Variants in ADD2 observed in about 807,000 individuals in gnomAD.
The protein encoded by ADD2 is beta-adducin.
In ADD2, 23 loss-of-function variants were observed where a neutral mutation model predicts 83.0. The observed-to-expected ratio is 0.28, with a 90% CI of 0.20 to 0.39. ADD2 has a LOEUF of 0.39. Among genes scored for constraint, ADD2 ranks in the 10% least tolerant of loss-of-function variants. ADD2 has a pLI of 1.00. For synonymous variants in ADD2, 375 were observed against 375.4 expected (o/e 1.00, Z 0.01); for missense variants, 758 against 944.9 (o/e 0.80, Z 2.59).
chr2:70,706,389 G>T lies in ADD2; in HGVS notation c.20C>A (p.Pro7His). The T allele has an allele frequency of 6.2e-7, 1 of 1,609,136 alleles. No individual in the cohort carries two copies. Among genetic ancestry groups the T allele is most frequent in the Non-Finnish European group, 8.5e-7 (1 of 1,177,860 alleles). ...CGGGGGCGGCGGCGAGGCAGCCTCGGGGACCGTCTCTTCGCTCATTTTCCC... is the reference window on the plus strand; with the variant it reads ...CGGGGGCGGCGGCGAGGCAGCCTCGTGGACCGTCTCTTCGCTCATTTTCCC... MSEETV[P>H]EAASPPPPQG... Residue 7 changes from proline (P) to histidine (H), a missense_variant, in exon 3 of 16, where the codon CCC becomes CAC. Physicochemically the swap from Pro to His is moderately conservative, Grantham distance 77. Around this residue, in one of 5 missense-constraint regions of ADD2, gnomAD observed 175 missense variants for 192.1 expected, o/e 0.91. Transcript: ENST00000264436. This position sits in a 1 kb window ranked among gnomAD's most constrained non-coding sequence, Gnocchi z 5.0.
chr2:70,724,039 G>T (rs1672860672), intron 1 of ADD2, among the ~76,000 whole-genome samples: 1 of 152,240 alleles, frequency 6.6e-6, no homozygotes, highest in Admixed American at 6.5e-5. Context: ...AGTGCCCAGT[G>T]ATGAGGCCAC....
At chr2:70,712,396 A>G (rs186668295) in intron 2 of ADD2, among the ~76,000 whole-genome samples, 158 of 151,188 alleles carry the variant, frequency 1.0e-3, no homozygotes, top group African/African-American at 3.7e-3. Context: ...GTGAGCTGAG[A>G]TCACACCACT....
In ADD2 at chr2:70,662,571, T is replaced by C. The variant is rs1282473571; in HGVS notation, c.*854A>G. On this transcript the variant is annotated 3_prime_UTR_variant, in exon 16 of 16. Coordinates refer to ENST00000264436, the MANE Select transcript of ADD2 (RefSeq NM_001617.4). ...TTTCCTCTGTTGTTTTGATCCTCCT[T>C]ATACAACCCAAAGCCAACAGAGGAT... 3 of 152,270 alleles carry C rather than the reference T, an allele frequency of 2.0e-5. No individual in the cohort carries two copies. The highest frequency in any genetic ancestry group is 4.4e-5 in the Non-Finnish European group (3 of 68,060). The allele number at this position is 152,270 out of a possible 1,614,324, so 9.4% of individuals were successfully genotyped here.
intron 9 of ADD2, 36 bp from the exon 10 acceptor site, chr2:70,683,803 C>T: frequency 6.3e-7 from 1 of 1,589,042 alleles, no homozygotes. Flanking sequence ...AGCCCATGTG[C>T]ACATGGGTAC....
chr2:70,708,264 C>T (rs190199763), intron 2 of ADD2, among the ~76,000 whole-genome samples: 18 of 152,278 alleles, frequency 1.2e-4, no homozygotes, highest in South Asian at 2.1e-4. Context: ...CAAGGGAAGG[C>T]GCATGGACAG....
intron 1 of ADD2, among the ~76,000 whole-genome samples, chr2:70,764,999 C>T (rs1332798397): frequency 6.6e-6 from 1 of 151,914 alleles, no homozygotes; most frequent in Non-Finnish European, 1.5e-5. Context: ...AGGAGGTGAT[C>T]GAAGGCATCA....
chr2:70,664,784 T>C (rs1198707519), intron 15 of ADD2, among the ~76,000 whole-genome samples: 2 of 151,046 alleles, frequency 1.3e-5, no homozygotes, highest in African/African-American at 4.9e-5. Flanking sequence ...AGTGGGCAGG[T>C]TGTGTGTGGT....
rs553809029 is a variant in ADD2, at chr2:70,665,179, CAG to C, written c.1871-1446_1871-1445del. Among the ~76,000 whole-genome samples the C allele has an allele frequency of 1.6e-3, 249 of 152,230 alleles. 1 individual carries two copies. Among genetic ancestry groups the C allele is most frequent in the African/African-American group, 5.5e-3 (228 of 41,536 alleles). The stretch of plus-strand genomic sequence containing the variant: ...TTTTAGGAGAAGCCTGGGGTCTTAA[CAG>C]GGGTGAAGTCTGGGGAAGTGCACGG... On this transcript the variant is annotated intron_variant, in intron 15 of 15. Transcript: ENST00000264436.
intron 1 of ADD2, among the ~76,000 whole-genome samples, chr2:70,749,548 A>T (rs1674402914): frequency 1.6e-5 from 2 of 125,248 alleles, no homozygotes; most frequent in Admixed American, 7.4e-5. Flanking sequence ...ATGGCCAGCT[A>T]AAAAAAAAAC....
intron 4 of ADD2, among the ~76,000 whole-genome samples, chr2:70,698,897 A>C (rs1671439913): frequency 6.6e-6 from 1 of 152,192 alleles, no homozygotes. Context: ...TTAAGGGCAC[A>C]CTGATGCTCA....
In ADD2 at chr2:70,663,747, T is replaced by C; in HGVS notation, c.1871-12A>G. 1.2e-6 allele frequency: 2 copies of C among 1,609,342 alleles called. No individual in the cohort carries two copies. Among genetic ancestry groups the C allele is most frequent in the Non-Finnish European group, 1.7e-6 (2 of 1,178,140 alleles). ...CTTCTTAGTACCTTCTAGAAAAAGA[T>C]CAAAAGATATGACCTGTAAGATTTC... On this transcript the variant is annotated splice_polypyrimidine_tract_variant and intron_variant, in intron 15 of 15. Coordinates refer to ENST00000264436, the MANE Select transcript of ADD2 (RefSeq NM_001617.4).
At chr2:70,745,164 T>C (rs975255668) in intron 1 of ADD2, among the ~76,000 whole-genome samples, 8 of 152,018 alleles carry the variant, frequency 5.3e-5, no homozygotes, top group African/African-American at 1.9e-4. Flanking sequence ...CGGGCGCCTG[T>C]AGTCCCAACT....
At position 70,686,373 on chromosome 2, in the gene ADD2, C is replaced by T. The variant is rs551092465; in HGVS notation, c.948+1651G>A. 2.1e-4 allele frequency among the ~76,000 whole-genome samples: 32 copies of T among 152,272 alleles called. No individual in the cohort carries two copies. The South Asian group carries it at 6.7e-3, about 32-fold the overall frequency. On this transcript the variant is annotated intron_variant, in intron 9 of 15. Transcript: ENST00000264436. The stretch of plus-strand genomic sequence containing the variant: ...TGTAACAAGGTCTCAGCAAACCAAT[C>T]CTGAAACGAAAGTGATAGCAGCTGA...
chr2:70,759,783 T>C (rs1325876710), intron 1 of ADD2, among the ~76,000 whole-genome samples: 3 of 152,182 alleles, frequency 2.0e-5, no homozygotes, highest in African/African-American at 7.2e-5. Context: ...ACCTTTTCTC[T>C]ATAAATTACC....
chr2:70,662,930 G>A lies in ADD2; in HGVS notation c.*495C>T, dbSNP rs1294666456. On this transcript the variant is annotated 3_prime_UTR_variant, in exon 16 of 16. Transcript: ENST00000264436. ...CTAGTCACTTTGAGCAGCAGGGCAGGGACCCAAAGTGGAAAAGAGAAGAGA... is the reference window on the plus strand; with the variant it reads ...CTAGTCACTTTGAGCAGCAGGGCAGAGACCCAAAGTGGAAAAGAGAAGAGA... The A allele has an allele frequency of 6.4e-6, 1 of 155,444 alleles. No individual in the cohort carries two copies. The highest frequency in any genetic ancestry group is 2.4e-5 in the African/African-American group (1 of 41,460). 9.6% of individuals were successfully genotyped at this position (155,444 alleles called of 1,614,324 possible). A position where few individuals can be genotyped will look rare whatever the true frequency, so the allele number is the denominator to read the frequency against.
rs142611477 is a variant in ADD2, at chr2:70,668,004, C to T, written c.1871-4269G>A. ...GACACCATCCAATCTGTTTAGGGCC[C>T]TCTCACATAGAACAAAAAGGTGGAG... On this transcript the variant is annotated intron_variant, in intron 15 of 15. Coordinates refer to ENST00000264436, the MANE Select transcript of ADD2 (RefSeq NM_001617.4). Among the ~76,000 whole-genome samples the T allele has an allele frequency of 3.3e-5, 5 of 152,222 alleles. No individual in the cohort carries two copies. In the East Asian group the frequency reaches 9.7e-4, roughly 29 times the overall value.
chr2:70,704,272 C>CCCCCCCCCCCCCCCCCCA, intron 4 of ADD2, 49 bp downstream of exon 4: 1 of 1,317,484 alleles, frequency 7.6e-7, no homozygotes, highest in Non-Finnish European at 1.0e-6. Context: ...TTCCCCACCC[C>CCCCCCCCCCCCCCCCCCA]ACCCTCCCCT....
In ADD2 at chr2:70,676,893, G is replaced by A; in HGVS notation, c.1504-8C>T. On this transcript the variant is annotated splice_region_variant and splice_polypyrimidine_tract_variant and intron_variant, in intron 12 of 15. Coordinates refer to ENST00000264436, the MANE Select transcript of ADD2 (RefSeq NM_001617.4). The surrounding 1 kb of genome is among the most constrained non-coding windows in gnomAD (Gnocchi z 4.8). ...TCGGTTTTGTTCTCGAATCTGTGTGGAAAGGGGAGAGGAAGAGTGAGCTGG... is the reference window on the plus strand; with the variant it reads ...TCGGTTTTGTTCTCGAATCTGTGTGAAAAGGGGAGAGGAAGAGTGAGCTGG... 1 of 1,611,656 alleles carries A rather than the reference G, an allele frequency of 6.2e-7. No homozygotes were observed. The highest frequency in any genetic ancestry group is 8.5e-7 in the Non-Finnish European group (1 of 1,178,106).
chr2:70,742,347 T>C (rs561671936), intron 1 of ADD2, among the ~76,000 whole-genome samples: 1 of 152,214 alleles, frequency 6.6e-6, no homozygotes, highest in East Asian at 1.9e-4. Context: ...CTGGGCCCAG[T>C]GACACACCAG....
Sources: allele counts gnomAD v4.1 joint callset (sites outside exome capture counted in the v4.1 genomes callset), GRCh38; gene constraint gnomAD v4.1.1; regional missense constraint gnomAD v4.1.1; non-coding constraint Gnocchi (gnomAD v3.1); transcripts MANE v1.5; gene names NCBI Gene and HGNC (gene_info 2026-07-23, HGNC 2026-07-21).